Variants in COL18A1 observed in about 807,000 individuals in gnomAD.
The protein encoded by COL18A1 is collagen type XVIII alpha 1 chain.
Under a neutral mutation model 168.0 loss-of-function variants are expected in COL18A1, and 133 were observed. The ratio of observed to expected loss-of-function variants is 0.79; its 90% confidence interval spans 0.69 to 0.91. The LOEUF (loss-of-function observed/expected upper bound fraction) is 0.91, where lower values mean the gene tolerates loss of function less well. Ranked by LOEUF, COL18A1 falls within the 40% of genes least tolerant of loss-of-function variation. The pLI is 0.00. For synonymous variants in COL18A1, 949 were observed against 809.0 expected, an observed-to-expected ratio of 1.17 and a Z score of -2.94; for missense variants, 2,126 against 1,925.4, an observed-to-expected ratio of 1.10 and a Z score of -1.95.
rs976026465 is a variant in COL18A1 at position 45,512,787 on chromosome 21, C to T, written c.*389C>T. ...GACTTCATCTCCCACCTAGCAGCAC[C>T]GTTCTGTGCACAAAACCCAGACCTG... On this transcript the variant is annotated 3_prime_UTR_variant, in exon 42 of 42. Coordinates refer to ENST00000651438, the MANE Select transcript of COL18A1 (RefSeq NM_001379500.1). The T allele has an allele frequency of 1.5e-5, 5 of 335,084 alleles. No homozygotes were observed. Among genetic ancestry groups the T allele is most frequent in the East Asian group, 8.2e-5 (1 of 12,262 alleles). The allele number at this position is 335,084 out of a possible 1,614,324, so 20.8% of individuals were successfully genotyped here.
At chr21:45,428,026 C>T (rs1296412154) in intron 2 of COL18A1, among the ~76,000 whole-genome samples, 1 of 152,214 alleles carries the variant, frequency 6.6e-6, no homozygotes, top group African/African-American at 2.4e-5. Flanking sequence ...ACGCAGCCTA[C>T]TCCTGCCCAC....
chr21:45,474,200 C>T (rs2035547177), intron 4 of COL18A1, among the ~76,000 whole-genome samples: 1 of 152,126 alleles, frequency 6.6e-6, no homozygotes, highest in African/African-American at 2.4e-5. Context: ...ACACCAGAAA[C>T]CACCCTCCAT....
intron 41 of COL18A1, among the ~76,000 whole-genome samples, chr21:45,511,931 A>G (rs1052609154): frequency 5.9e-5 from 9 of 152,224 alleles, no homozygotes; most frequent in African/African-American, 2.2e-4. Context: ...TCACCCAGCC[A>G]GGCCAAGCCC....
chr21:45,470,425 C>CTTTTTTTT (rs1195744330), intron 3 of COL18A1, among the ~76,000 whole-genome samples: 73 of 37,082 alleles, frequency 2.0e-3, no homozygotes, highest in South Asian at 2.3e-3. Flanking sequence ...TTTACCTTGT[C>CTTTTTTTT]TTTTTTTTTT....
chr21:45,478,426 T>C lies in COL18A1; in HGVS notation c.1248+73T>C, dbSNP rs2035761426. 3.7e-6 allele frequency: 6 copies of C among 1,604,854 alleles called. No homozygotes were observed. In the Admixed American group the frequency reaches 1.0e-4, roughly 27 times the overall value. On this transcript the variant is annotated intron_variant, in intron 9 of 41. Transcript: ENST00000651438. ...TTAGACCCCAGGGCTTTGTTGCCAGTGACACTCTTTTTAAACGCGACCCAG... is the reference window on the plus strand; with the variant it reads ...TTAGACCCCAGGGCTTTGTTGCCAGCGACACTCTTTTTAAACGCGACCCAG...
chr21:45,438,753 C>G (rs1172691278), intron 2 of COL18A1, among the ~76,000 whole-genome samples: 1 of 152,246 alleles, frequency 6.6e-6, no homozygotes, highest in Non-Finnish European at 1.5e-5. Flanking sequence ...AGCACGTGGA[C>G]AAAGGCGCAT....
At chr21:45,437,688 G>GCA (rs777364868) in intron 2 of COL18A1, among the ~76,000 whole-genome samples, 513 of 32,728 alleles carry the variant, frequency 0.016, 67 homozygotes, top group Non-Finnish European at 0.02. Context: ...GCACTCTCCT[G>GCA]CACACACACA....
Position 45,505,878 on chromosome 21 carries a change from T to C in COL18A1, c.3128T>C (p.Val1043Ala). 6.2e-7 allele frequency: 1 copy of C among 1,612,016 alleles called. No individual in the cohort carries two copies. Among genetic ancestry groups the C allele is most frequent in the Non-Finnish European group, 8.5e-7 (1 of 1,179,748 alleles). The change falls in exon 37 of 42, where the codon GTG becomes GCG. Residue 1043 changes from valine (V) to alanine (A), a missense_variant. Physicochemically the swap from Val to Ala is moderately conservative, Grantham distance 64 (BLOSUM62 0). Coordinates refer to ENST00000651438, the MANE Select transcript of COL18A1 (RefSeq NM_001379500.1). ...WATRQAMLGQ[V>A]HEVPEGWLIF... Reference sequence around the variant, plus strand: ...ACACGCCAGGCCATGCTGGGCCAGGTGCACGAGGTTCCCGAGGGCTGGCTC... The same window carrying C: ...ACACGCCAGGCCATGCTGGGCCAGGCGCACGAGGTTCCCGAGGGCTGGCTC...
chr21:45,488,170 C>T (rs1273678775), intron 17 of COL18A1, among the ~76,000 whole-genome samples: 1 of 152,272 alleles, frequency 6.6e-6, no homozygotes, highest in Non-Finnish European at 1.5e-5. Context: ...GAGACTCAGC[C>T]TGTTGAGAGC....
intron 4 of COL18A1, among the ~76,000 whole-genome samples, chr21:45,474,552 CTCTGTG>C (rs371586021): frequency 0.014 from 2,084 of 151,424 alleles, 59 homozygotes; most frequent in African/African-American, 0.047. Flanking sequence ...GTGCGTGTGT[CTCTGTG>C]TCTGTGTCTG....
At chr21:45,466,796 C>A (rs2838933) in intron 2 of COL18A1, among the ~76,000 whole-genome samples, 1 of 152,074 alleles carries the variant, frequency 6.6e-6, no homozygotes, top group African/African-American at 2.4e-5. Flanking sequence ...TTCCCAATGA[C>A]GGAATGTTCT....
intron 13 of COL18A1, among the ~76,000 whole-genome samples, chr21:45,481,535 C>G (rs1025059209): frequency 6.6e-6 from 1 of 152,232 alleles, no homozygotes; most frequent in Non-Finnish European, 1.5e-5. Context: ...CCTGAGCCAG[C>G]CAACCCTACC....
Position 45,472,876 on chromosome 21 carries a change from T to C in COL18A1, c.652-1019T>C, listed in dbSNP as rs73907505. 4.5e-3 allele frequency among the ~76,000 whole-genome samples: 678 copies of C among 152,230 alleles called. 9 individuals carry two copies. Among genetic ancestry groups the C allele is most frequent in the African/African-American group, 0.016 (656 of 41,536 alleles). ...GCACACATGTGTCCATGCAGATGCA[T>C]GCTCTCACGCACATGTGCCCACACA... On this transcript the variant is annotated intron_variant, in intron 3 of 41. Transcript: ENST00000651438.
intron 2 of COL18A1, among the ~76,000 whole-genome samples, chr21:45,418,767 A>AGCCACCTCACGCCACTTCCTG (rs1265496373): frequency 6.6e-6 from 1 of 151,592 alleles, no homozygotes. Flanking sequence ...GGGGCCTCCA[A>AGCCACCTCACGCCACTTCCTG]GGCTGTCTCT....
rs1299136631 is a variant in COL18A1 at position 45,437,744 on chromosome 21, ACACT to A, written c.107-30495_107-30492del. 1.4e-4 allele frequency among the ~76,000 whole-genome samples: 11 copies of A among 76,082 alleles called. 2 individuals are homozygous for A. The highest frequency in any genetic ancestry group is 7.7e-4 in the African/African-American group (7 of 9,068). 49.9% of individuals were successfully genotyped at this position (76,082 alleles called of 152,430 possible). A position where few individuals can be genotyped will look rare whatever the true frequency, so the allele number is the denominator to read the frequency against. ...CACTCTCCTGCACACACACACTCACACACTCAGACACAGGCACTCTCCTGCACAC... is the reference window on the plus strand; with the variant it reads ...CACTCTCCTGCACACACACACTCACACAGACACAGGCACTCTCCTGCACAC... On this transcript the variant is annotated intron_variant, in intron 2 of 41. Coordinates refer to ENST00000651438, the MANE Select transcript of COL18A1 (RefSeq NM_001379500.1).
At chr21:45,437,360 A>T (rs202119669) in intron 2 of COL18A1, among the ~76,000 whole-genome samples, 1 of 33,596 alleles carries the variant, frequency 3.0e-5, no homozygotes, top group African/African-American at 1.4e-4. Context: ...TCTCCTGCGC[A>T]CACACACACA....
rs1218524113 is a variant in COL18A1, at chr21:45,505,821, G to C, written c.3088-17G>C. The stretch of plus-strand genomic sequence containing the variant: ...CCTCCCCGCCAAGCCCCACACCTCT[G>C]CATTTGGTCCCAGCAGGTGAGGCTC... On this transcript the variant is annotated splice_polypyrimidine_tract_variant and intron_variant, in intron 36 of 41. Transcript: ENST00000651438. The C allele has an allele frequency of 2.6e-6, 4 of 1,519,402 alleles. No individual in the cohort carries two copies. The highest frequency in any genetic ancestry group is 3.6e-6 in the Non-Finnish European group (4 of 1,116,278). The allele number at this position is 1,519,402 out of a possible 1,614,324, so 94.1% of individuals were successfully genotyped here. A position where few individuals can be genotyped will look rare whatever the true frequency, so the allele number is the denominator to read the frequency against.
chr21:45,505,463 C>A, intron 36 of COL18A1, 32 bp downstream of exon 36: 3 of 1,167,958 alleles, frequency 2.6e-6, no homozygotes, highest in Non-Finnish European at 3.8e-6. Context: ...TGGGCACCTG[C>A]GTCCCGTGCC....
Position 45,439,333 on chromosome 21 carries a change from G to A in COL18A1, c.107-28909G>A, listed in dbSNP as rs1026069268. ...CGCGTTCCGTTTCGGCTCCTCTGGT[G>A]CGTGCCTCGTGTGCGTGTGAGCAGA... On this transcript the variant is annotated intron_variant, in intron 2 of 41. Coordinates refer to ENST00000651438, the MANE Select transcript of COL18A1 (RefSeq NM_001379500.1). 2.6e-5 allele frequency among the ~76,000 whole-genome samples: 4 copies of A among 152,348 alleles called. No individual in the cohort carries two copies. In the South Asian group the frequency reaches 8.3e-4, roughly 32 times the overall value.
Sources: gnomAD v4.1 joint callset for allele counts (sites outside exome capture counted in the v4.1 genomes callset) on GRCh38, gnomAD v4.1.1 for gene constraint, MANE v1.5 for transcripts, NCBI Gene and HGNC (gene_info 2026-07-23, HGNC 2026-07-21) for gene names.